MAGI2: variants seen among roughly 807,000 people sequenced by gnomAD.
MAGI2 encodes the protein membrane-associated guanylate kinase, WW and PDZ domain-containing protein 2.
Under a neutral mutation model 133.3 loss-of-function variants are expected in MAGI2, and 35 were observed. That is an observed-to-expected ratio of 0.26 (90% CI 0.20 to 0.35). The LOEUF (loss-of-function observed/expected upper bound fraction) is 0.35. Ranked by LOEUF, MAGI2 falls within the 10% of genes least tolerant of loss-of-function variation. MAGI2 has a pLI of 1.00. For synonymous variants in MAGI2, 729 were observed against 710.6 expected (o/e 1.03, Z -0.41); for missense variants, 1,636 against 1,863.4 (o/e 0.88, Z 2.25).
intron 1 of MAGI2, among the ~76,000 whole-genome samples, chr7:79,096,791 C>G (rs887774366): frequency 6.6e-6 from 1 of 152,170 alleles, no homozygotes; most frequent in Non-Finnish European, 1.5e-5. Flanking sequence ...ACCCCTTCCT[C>G]CAGAGTCCCA....
At chr7:78,525,480 T>C (rs948283128) in intron 3 of MAGI2, among the ~76,000 whole-genome samples, 1 of 152,202 alleles carries the variant, frequency 6.6e-6, no homozygotes, top group Admixed American at 6.5e-5. Flanking sequence ...TTAGGTAACG[T>C]ACCAGTATGT....
chr7:78,655,454 C>CAAAA lies in MAGI2; in HGVS notation c.419-28219_419-28216dup. On this transcript the variant is annotated intron_variant, in intron 2 of 21. Transcript: ENST00000354212. Reference sequence around the variant, plus strand: ...CAAAAAACAAACAAAAAAAAACAACCAAAAAAAAAAAAAAAAAAAAACCAC... The same window carrying CAAAA: ...CAAAAAACAAACAAAAAAAAACAACCAAAAAAAAAAAAAAAAAAAAAAAAACCAC... Among the ~76,000 whole-genome samples, 28 of 64,940 alleles carry CAAAA rather than the reference C, an allele frequency of 4.3e-4. 1 individual carries two copies. The highest frequency in any genetic ancestry group is 6.3e-4 in the African/African-American group (10 of 15,894). 42.6% of individuals were successfully genotyped at this position (64,940 alleles called of 152,430 possible).
At chr7:78,803,093 T>C (rs954240719) in intron 2 of MAGI2, among the ~76,000 whole-genome samples, 1 of 152,160 alleles carries the variant, frequency 6.6e-6, no homozygotes, top group Admixed American at 6.5e-5. Flanking sequence ...ATAATATATA[T>C]AGTTACACAG....
chr7:78,763,534 T>C (rs1037180440), intron 2 of MAGI2, among the ~76,000 whole-genome samples: 1 of 152,150 alleles, frequency 6.6e-6, no homozygotes, highest in African/African-American at 2.4e-5. Context: ...AAGGGATGAC[T>C]TATATACTCT....
chr7:78,572,135 T>A (rs1264132366), intron 3 of MAGI2, among the ~76,000 whole-genome samples: 1 of 152,108 alleles, frequency 6.6e-6, no homozygotes, highest in Non-Finnish European at 1.5e-5. Flanking sequence ...ATGGGGAAAA[T>A]AAATGTCTTT....
At chr7:79,270,557 G>A (rs923793790) in intron 1 of MAGI2, among the ~76,000 whole-genome samples, 12 of 152,196 alleles carry the variant, frequency 7.9e-5, no homozygotes, top group African/African-American at 2.4e-4. Context: ...CAAGATAGGG[G>A]ATACAAAGAA....
intron 1 of MAGI2, among the ~76,000 whole-genome samples, chr7:79,140,837 G>A (rs1027461908): frequency 3.3e-5 from 5 of 151,788 alleles, no homozygotes; most frequent in African/African-American, 4.8e-5. Context: ...AAAAAATTAC[G>A]AGATTATTTT....
intron 20 of MAGI2, among the ~76,000 whole-genome samples, chr7:78,111,969 A>G (rs937910306): frequency 2.6e-5 from 4 of 152,202 alleles, no homozygotes; most frequent in Admixed American, 6.5e-5. Context: ...ACCTGAGCCC[A>G]TACAATTGCT....
intron 2 of MAGI2, among the ~76,000 whole-genome samples, chr7:78,649,240 A>AG (rs1287492547): frequency 6.9e-6 from 1 of 145,876 alleles, no homozygotes; most frequent in Admixed American, 6.8e-5. Flanking sequence ...AAAAAAGAAA[A>AG]AAAAAGAAAA....
intron 6 of MAGI2, among the ~76,000 whole-genome samples, chr7:78,407,564 T>C (rs193197631): frequency 6.6e-6 from 1 of 151,936 alleles, no homozygotes. Flanking sequence ...AGCTTTCCAG[T>C]GGAGTTGAGT....
At chr7:79,253,889 C>A (rs1252723299) in intron 1 of MAGI2, among the ~76,000 whole-genome samples, 1 of 152,018 alleles carries the variant, frequency 6.6e-6, no homozygotes, top group Non-Finnish European at 1.5e-5. Context: ...TATAGTCTGC[C>A]AAGTTGACTA....
intron 1 of MAGI2, among the ~76,000 whole-genome samples, chr7:79,254,977 C>T (rs1833581274): frequency 6.6e-6 from 1 of 152,150 alleles, no homozygotes. Flanking sequence ...TTCTAGTACT[C>T]ATTCTTCTGA....
rs1815673576 is a variant in MAGI2, at chr7:78,078,975, C to T, written c.3678G>A (p.Lys1226=). The change falls in exon 21 of 22, where the codon AAG becomes AAA. Residue 1226 remains lysine, a synonymous_variant. Coordinates refer to ENST00000354212, the MANE Select transcript of MAGI2 (RefSeq NM_012301.4). The part of the protein sequence containing the change: ...SGGRRVRLLL[K]RGTGQVPEYD... ...ATTCTGGGACCTGTCCCGTGCCTCTCTTGAGCAGCAGCCTCACTCGTCTTC... is the reference window on the plus strand; with the variant it reads ...ATTCTGGGACCTGTCCCGTGCCTCTTTTGAGCAGCAGCCTCACTCGTCTTC... The T allele has an allele frequency of 6.2e-7, 1 of 1,613,692 alleles. No individual in the cohort carries two copies. Among genetic ancestry groups the T allele is most frequent in the African/African-American group, 1.3e-5 (1 of 74,918 alleles).
intron 10 of MAGI2, among the ~76,000 whole-genome samples, chr7:78,241,827 G>A (rs552225832): frequency 6.6e-6 from 1 of 151,972 alleles, no homozygotes; most frequent in African/African-American, 2.4e-5. Context: ...CCAGCTTCTC[G>A]GGAGGCTGAG....
chr7:78,957,280 A>G (rs1340581939), intron 2 of MAGI2, among the ~76,000 whole-genome samples: 145 of 150,798 alleles, frequency 9.6e-4, no homozygotes, highest in South Asian at 3.8e-3. Context: ...AAAAAAAAAA[A>G]AAAAAGAAAA....
chr7:78,229,599 G>A (rs1180822070), intron 10 of MAGI2, among the ~76,000 whole-genome samples: 4 of 152,234 alleles, frequency 2.6e-5, no homozygotes, highest in Non-Finnish European at 2.9e-5. Context: ...GGTCCTGCAA[G>A]GACACTGAGC....
At chr7:79,425,578 T>TATA (rs1847292629) in intron 1 of MAGI2, among the ~76,000 whole-genome samples, 6 of 131,394 alleles carry the variant, frequency 4.6e-5, no homozygotes, top group Admixed American at 1.4e-4. Context: ...AATAAGGGTT[T>TATA]TATATATATA....
At chr7:78,339,315 T>G (rs1790108568) in intron 9 of MAGI2, among the ~76,000 whole-genome samples, 1 of 152,254 alleles carries the variant, frequency 6.6e-6, no homozygotes, top group Non-Finnish European at 1.5e-5. Flanking sequence ...ACCTGCTTTG[T>G]GATTATCTTA....
At chr7:78,067,503 G>A (rs1813959217) in intron 21 of MAGI2, among the ~76,000 whole-genome samples, 1 of 152,208 alleles carries the variant, frequency 6.6e-6, no homozygotes, top group Non-Finnish European at 1.5e-5. Context: ...CTTGAAGAGT[G>A]CATGCTGAAC....
Sources: allele counts gnomAD v4.1 joint callset (sites outside exome capture counted in the v4.1 genomes callset), GRCh38; gene constraint gnomAD v4.1.1; transcripts MANE v1.5; gene names NCBI Gene and HGNC (gene_info 2026-07-23, HGNC 2026-07-21).